Variants in NBAS observed in about 807,000 individuals in gnomAD.
NBAS encodes NAG/BC035112 fusion.
In NBAS, 219 loss-of-function variants were observed where a neutral mutation model predicts 302.5. The observed-to-expected ratio is 0.72, with a 90% CI of 0.65 to 0.81. The LOEUF is 0.81. Ranked by LOEUF, NBAS falls within the 30% of genes least tolerant of loss-of-function variation. The pLI is 0.00. For missense variants in NBAS, 2,932 were observed against 2,841.6 expected (o/e 1.03, Z -0.72); for synonymous variants, 1,118 against 1,021.6 (o/e 1.09, Z -1.80).
intron 36 of NBAS, 105 bp from the exon 37 acceptor site, chr2:15,328,417 C>A: frequency 2.1e-6 from 2 of 973,554 alleles, no homozygotes; most frequent in Admixed American, 1.9e-5. Context: ...GAAGAAAAGG[C>A]TGATTTCAAA....
chr2:15,290,906 T>C (rs916896397), intron 41 of NBAS, among the ~76,000 whole-genome samples: 9 of 152,126 alleles, frequency 5.9e-5, no homozygotes, highest in African/African-American at 9.7e-5. Flanking sequence ...GAAGAAGAAT[T>C]TGGGGTATAA....
chr2:14,864,811 G>A, the NBAS span, among the ~76,000 whole-genome samples: 1 of 152,166 alleles, frequency 6.6e-6, no homozygotes. Context: ...TTCCAGGGTT[G>A]ATGAAAGAAT....
At chr2:15,559,289 T>C (rs1021573534) in intron 1 of NBAS, among the ~76,000 whole-genome samples, 2 of 152,296 alleles carry the variant, frequency 1.3e-5, no homozygotes, top group Non-Finnish European at 2.9e-5. Context: ...GCTGTAAGTT[T>C]TGCTCACAGG....
chr2:15,459,496 A>ATTTTTTTTTT (rs576706526), intron 21 of NBAS, among the ~76,000 whole-genome samples: 8 of 73,400 alleles, frequency 1.1e-4, no homozygotes, highest in Admixed American at 2.9e-4. Context: ...CATCCTGAGC[A>ATTTTTTTTTT]TTTTTTCTTT....
At chr2:14,903,223 T>C in the NBAS span, among the ~76,000 whole-genome samples, 9 of 151,854 alleles carry the variant, frequency 5.9e-5, no homozygotes, top group Non-Finnish European at 8.8e-5. Context: ...AGCAATTCCA[T>C]CTGCAGAAGA....
chr2:14,938,495 G>A, the NBAS span, among the ~76,000 whole-genome samples: 1 of 152,216 alleles, frequency 6.6e-6, no homozygotes, highest in Non-Finnish European at 1.5e-5. Context: ...TAAAATCTCT[G>A]TGTAATAACA....
intron 47 of NBAS, among the ~76,000 whole-genome samples, chr2:15,227,625 C>T (rs904503553): frequency 7.2e-5 from 11 of 152,206 alleles, no homozygotes; most frequent in Admixed American, 4.6e-4. Flanking sequence ...ATGGTAGTGG[C>T]ATAAAAACAG....
rs1165658914 is a variant in NBAS, at chr2:15,513,440, CA to C, written c.747-2091del. On this transcript the variant is annotated intron_variant, in intron 9 of 51. Coordinates refer to ENST00000281513, the MANE Select transcript of NBAS (RefSeq NM_015909.4). ...GATTCTATTACAGTAAAATATTTCA[CA>C]AAAAAAGGAGTATATCTAGTGCAGA... Among the ~76,000 whole-genome samples the C allele has an allele frequency of 2.0e-5, 3 of 151,444 alleles. No homozygotes were observed. The East Asian group carries it at 5.8e-4, about 29-fold the overall frequency.
chr2:14,871,060 T>C, the NBAS span, among the ~76,000 whole-genome samples: 31 of 151,344 alleles, frequency 2.0e-4, no homozygotes, highest in African/African-American at 7.5e-4. Context: ...AAAATAAACA[T>C]TAGTGACTTC....
Position 15,561,326 on chromosome 2 carries a change from C to A in NBAS, c.-22G>T, listed in dbSNP as rs372060208. On this transcript the variant is annotated 5_prime_UTR_variant, in exon 1 of 52. Coordinates refer to ENST00000281513, the MANE Select transcript of NBAS (RefSeq NM_015909.4). ...CCATGTTCGCCGAGGACTCAGGCAG[C>A]GGAGGAGTGTCTCTACGGAATCCCT... is the stretch of plus-strand genomic sequence containing the variant. 1.4e-5 allele frequency: 22 copies of A among 1,601,364 alleles called. 1 individual carries two copies. The Admixed American group carries it at 3.5e-4, about 25-fold the overall frequency.
intron 44 of NBAS, among the ~76,000 whole-genome samples, chr2:15,241,571 A>G (rs1667868033): frequency 6.6e-6 from 1 of 152,226 alleles, no homozygotes; most frequent in Non-Finnish European, 1.5e-5. Context: ...TTCAAGCTTT[A>G]GTTTCTTCAT....
At chr2:14,875,684 C>A in the NBAS span, among the ~76,000 whole-genome samples, 1 of 152,044 alleles carries the variant, frequency 6.6e-6, no homozygotes, top group Non-Finnish European at 1.5e-5. Context: ...ATTAAAAATA[C>A]AACTAAAATA....
chr2:14,866,345 A>AT, the NBAS span, among the ~76,000 whole-genome samples: 28 of 152,090 alleles, frequency 1.8e-4, no homozygotes, highest in Admixed American at 1.7e-3. Context: ...TACTAGTAAT[A>AT]TTTTTTTCTC....
chr2:15,053,941 GAA>G, the NBAS span, among the ~76,000 whole-genome samples: 103 of 146,166 alleles, frequency 7.0e-4, no homozygotes, highest in African/African-American at 2.3e-3. Flanking sequence ...CCCTCCTTGT[GAA>G]AAAAAAAAAA....
intron 48 of NBAS, among the ~76,000 whole-genome samples, chr2:15,203,868 GTCTGTGTGTGTGTGTGTGTGCT>G (rs1665999690): frequency 7.9e-6 from 1 of 126,462 alleles, no homozygotes; most frequent in East Asian, 3.8e-4. Context: ...GTGTGTCTGT[GTCTGTGTGTGTGTGTGTGTGCT>G]TGTGTGTGTG....
At chr2:14,944,700 G>A in the NBAS span, among the ~76,000 whole-genome samples, 1 of 151,350 alleles carries the variant, frequency 6.6e-6, no homozygotes, top group Non-Finnish European at 1.5e-5. Context: ...ATGAAGACGA[G>A]ACAGTCCTCA....
chr2:15,279,668 T>G (rs1669739911), intron 42 of NBAS, among the ~76,000 whole-genome samples: 1 of 152,172 alleles, frequency 6.6e-6, no homozygotes, highest in African/African-American at 2.4e-5. Flanking sequence ...ACAATTTAGT[T>G]TGCCTGCTGT....
the NBAS span, among the ~76,000 whole-genome samples, chr2:15,136,683 T>C: frequency 6.6e-6 from 1 of 152,218 alleles, no homozygotes; most frequent in South Asian, 2.1e-4. Flanking sequence ...TGATATGGTT[T>C]GGCTCTTTGT....
At chr2:14,788,945 C>G in the NBAS span, among the ~76,000 whole-genome samples, 1 of 152,244 alleles carries the variant, frequency 6.6e-6, no homozygotes, top group African/African-American at 2.4e-5. Context: ...GTGGAGCCTA[C>G]AGAGGCAGGC....
Sources: allele counts gnomAD v4.1 joint callset (sites outside exome capture counted in the v4.1 genomes callset), GRCh38; gene constraint gnomAD v4.1.1; transcripts MANE v1.5; gene names NCBI Gene and HGNC (gene_info 2026-07-23, HGNC 2026-07-21).